MYO9B: variants seen among roughly 807,000 people sequenced by gnomAD.
MYO9B encodes myosin IXB, also known as unconventional myosin-IXb.
A neutral mutation model predicts 229.5 loss-of-function variants in MYO9B; 71 were observed. That is an observed-to-expected ratio of 0.31 (90% confidence interval 0.26 to 0.38). The LOEUF is 0.38. Ranked by LOEUF, MYO9B falls within the 10% of genes least tolerant of loss-of-function variation. The pLI, the probability that MYO9B is intolerant of heterozygous loss-of-function variation, is 1.00. For missense variants in MYO9B, 2,255 were observed against 2,920.5 expected (o/e 0.77, Z 5.25); for synonymous variants, 1,185 against 1,235.8 (o/e 0.96, Z 0.86).
rs2073025467 is a variant in MYO9B at position 17,194,963 on chromosome 19, C to G, written c.3536C>G (p.Ser1179Cys). ...CKEESALREP[S>C]RRVTQEQGVS... is the part of the protein sequence containing the mutation. Reference sequence around the variant, plus strand: ...GAGGAGAGTGCCCTCAGAGAACCTTCCAGAAGGGTCACCCAGGAGCAAGGG... The same window carrying G: ...GAGGAGAGTGCCCTCAGAGAACCTTGCAGAAGGGTCACCCAGGAGCAAGGG... The change falls in exon 22 of 40, where the codon TCC becomes TGC. Residue 1179 changes from serine (S) to cysteine (C), a missense_variant. Transcript: ENST00000682292. 2 of 1,613,240 alleles carry G rather than the reference C, an allele frequency of 1.2e-6. No individual in the cohort carries two copies. Among genetic ancestry groups the G allele is most frequent in the Non-Finnish European group, 8.5e-7 (1 of 1,179,880 alleles).
At chr19:17,208,767 G>A (rs965231364) in intron 35 of MYO9B, among the ~76,000 whole-genome samples, 3 of 152,170 alleles carry the variant, frequency 2.0e-5, no homozygotes, top group East Asian at 1.9e-4. Flanking sequence ...GCTACAAAGC[G>A]TCCTGTCACG....
At chr19:17,203,065 AT>A in intron 29 of MYO9B, 81 bp from the exon 30 acceptor site, 1 of 1,394,258 alleles carries the variant, frequency 7.2e-7, no homozygotes, top group Non-Finnish European at 9.9e-7. Flanking sequence ...CACCCCTGAG[AT>A]CCCATGGGTC....
chr19:17,212,249 G>A lies in MYO9B; in HGVS notation c.6413G>A (p.Arg2138Gln), dbSNP rs752765771. The change falls in exon 40 of 40, where the codon CGG becomes CAG. Residue 2138 changes from arginine (R) to glutamine (Q), a missense_variant. Physicochemically the swap from Arg to Gln is conservative, Grantham distance 43. Around this residue, in one of 7 missense-constraint regions of MYO9B, gnomAD observed 331 missense variants for 332.5 expected, o/e 1.00. Transcript: ENST00000682292. The surrounding 1 kb of genome is among the most constrained non-coding windows in gnomAD (Gnocchi z 5.4). ...GATGGCCAGCCACCTGGGGCCAAGC[G>A]GAGGTACTCGGATCCCCCAACGTAC... ...EEDGQPPGAK[R>Q]RYSDPPTYCL... is the part of the protein sequence containing the mutation. 7.6e-6 allele frequency: 12 copies of A among 1,575,554 alleles called. No homozygotes were observed. The highest frequency in any genetic ancestry group is 4.1e-5 in the African/African-American group (3 of 73,742).
At chr19:17,153,930 C>A (rs754217309) in intron 4 of MYO9B, 37 bp from the exon 5 acceptor site, 2 of 1,564,324 alleles carry the variant, frequency 1.3e-6, no homozygotes, top group African/African-American at 2.7e-5. Flanking sequence ...ACTTGGCCTC[C>A]AAAAACAACT....
In MYO9B at chr19:17,184,852, G is replaced by C. The variant is rs1232004184; in HGVS notation, c.2374-13G>C. ...TGTGGGAGGGCAGGCCGGACCCCAT[G>C]TGTCTGTCCTAGAACCTACTGGACT... On this transcript the variant is annotated splice_polypyrimidine_tract_variant and intron_variant, in intron 16 of 39. Transcript: ENST00000682292. The C allele has an allele frequency of 6.2e-7, 1 of 1,613,490 alleles. No homozygotes were observed. The highest frequency in any genetic ancestry group is 1.3e-5 in the African/African-American group (1 of 74,924).
chr19:17,177,353 G>T (rs915507205), intron 14 of MYO9B, among the ~76,000 whole-genome samples: 1 of 151,296 alleles, frequency 6.6e-6, no homozygotes, highest in Non-Finnish European at 1.5e-5. Flanking sequence ...CATTGTGTGG[G>T]TTGCATTTTT....
At chr19:17,155,925 C>T (rs1327901885) in intron 6 of MYO9B, among the ~76,000 whole-genome samples, 1 of 151,688 alleles carries the variant, frequency 6.6e-6, no homozygotes, top group Non-Finnish European at 1.5e-5. Context: ...GAGGCTGAGG[C>T]ACGAGAATCA....
At chr19:17,104,866 G>A (rs901701210) in intron 2 of MYO9B, among the ~76,000 whole-genome samples, 2 of 152,092 alleles carry the variant, frequency 1.3e-5, no homozygotes, top group South Asian at 2.1e-4. Flanking sequence ...TTTTGCATTC[G>A]TGTGGTGTGT....
intron 19 of MYO9B, among the ~76,000 whole-genome samples, chr19:17,190,352 C>A (rs540712500): frequency 6.6e-6 from 1 of 151,732 alleles, no homozygotes; most frequent in Admixed American, 6.6e-5. Flanking sequence ...TGCCACCATT[C>A]CTGGCTAATT....
intron 17 of MYO9B, 145 bp downstream of exon 17, chr19:17,185,132 T>C (rs2072903541): frequency 8.3e-7 from 1 of 1,205,694 alleles, no homozygotes; most frequent in Admixed American, 2.1e-5. Flanking sequence ...TCCCAGCACT[T>C]TGGGAGGCCG....
At position 17,210,717 on chromosome 19, in the gene MYO9B, C is replaced by T; in HGVS notation, c.5799C>T (p.Asn1933=). 6.5e-7 allele frequency: 1 copy of T among 1,542,234 alleles called. No homozygotes were observed. Among genetic ancestry groups the T allele is most frequent in the East Asian group, 2.4e-5 (1 of 40,924 alleles). ...GFSSPYEGVL[N]KSPKTRDIQE... ...GACCCCTTGCTTCTTTGTTTCAGAA[C>T]AAGAGCCCCAAGACCCGGGACATCC... Residue 1933 remains asparagine (N), a splice_region_variant and synonymous_variant, in exon 38 of 40, where the codon AAC becomes AAT. Coordinates refer to ENST00000682292, the MANE Select transcript of MYO9B (RefSeq NM_004145.4).
intron 1 of MYO9B, among the ~76,000 whole-genome samples, chr19:17,099,463 C>T (rs1256398233): frequency 6.6e-6 from 1 of 152,050 alleles, no homozygotes; most frequent in Non-Finnish European, 1.5e-5. Flanking sequence ...CCCAGATTGG[C>T]CTGGCGCAGT....
At chr19:17,187,497 G>A (rs972044209) in intron 18 of MYO9B, among the ~76,000 whole-genome samples, 1 of 149,912 alleles carries the variant, frequency 6.7e-6, no homozygotes, top group Non-Finnish European at 1.5e-5. Flanking sequence ...ACTTACCCCA[G>A]TGCCTGCCAC....
At chr19:17,144,493 A>C (rs1426367086) in intron 2 of MYO9B, among the ~76,000 whole-genome samples, 1 of 151,700 alleles carries the variant, frequency 6.6e-6, no homozygotes, top group Non-Finnish European at 1.5e-5. Context: ...GCTGCTCAGG[A>C]GGCTGAGACA....
chr19:17,174,351 C>T (rs1367352644), intron 13 of MYO9B, among the ~76,000 whole-genome samples: 3 of 152,156 alleles, frequency 2.0e-5, no homozygotes, highest in Non-Finnish European at 2.9e-5. Flanking sequence ...TTTTTAAGAT[C>T]GGTCTGCCAG....
Position 17,200,624 on chromosome 19 carries a change from C to T in MYO9B, c.4373-15C>T, listed in dbSNP as rs746732392. 2.6e-5 allele frequency: 42 copies of T among 1,604,072 alleles called. No homozygotes were observed. Among genetic ancestry groups the T allele is most frequent in the Non-Finnish European group, 3.4e-5 (40 of 1,174,968 alleles). On this transcript the variant is annotated splice_polypyrimidine_tract_variant and intron_variant, in intron 25 of 39. Coordinates refer to ENST00000682292, the MANE Select transcript of MYO9B (RefSeq NM_004145.4). ...CTGAACCCACCCTCACCGGCTGCTT[C>T]CTGTCCCCCCTCAGCCCCCTCCGGA...
intron 3 of MYO9B, among the ~76,000 whole-genome samples, chr19:17,146,153 GGGTGGATA>G (rs2072406691): frequency 6.8e-6 from 1 of 146,864 alleles, no homozygotes; most frequent in Non-Finnish European, 1.5e-5. Flanking sequence ...ATGAATGGGT[GGGTGGATA>G]GATGGATGGA....
Position 17,154,017 on chromosome 19 carries a change from G to T in MYO9B, c.1049G>T (p.Arg350Leu). ...TTACTTGGGGTCAGCGAGGAAGAGC[G>T]CCAAGAATTTCAGCTCAAGCAGCCT... ...YLLLGVSEEE[R>L]QEFQLKQPED... The change falls in exon 5 of 40, where the codon CGC (arginine) becomes CTC (leucine). Residue 350 changes from arginine (R) to leucine (L), a missense_variant. Transcript: ENST00000682292. 1 of 1,613,646 alleles carries T rather than the reference G, an allele frequency of 6.2e-7. No individual in the cohort carries two copies. The highest frequency in any genetic ancestry group is 8.5e-7 in the Non-Finnish European group (1 of 1,179,852).
At chr19:17,134,964 A>G (rs2072251146) in intron 2 of MYO9B, among the ~76,000 whole-genome samples, 1 of 151,350 alleles carries the variant, frequency 6.6e-6, no homozygotes, top group Non-Finnish European at 1.5e-5. Context: ...GGGTTTCGCC[A>G]TGTTGGCCAG....
Sources: gnomAD v4.1 joint callset for allele counts (sites outside exome capture counted in the v4.1 genomes callset) on GRCh38, gnomAD v4.1.1 for gene constraint, gnomAD v4.1.1 regional missense constraint, Gnocchi (gnomAD v3.1) non-coding constraint, MANE v1.5 for transcripts, NCBI Gene and HGNC (gene_info 2026-07-23, HGNC 2026-07-21) for gene names.